The following SLC6A18 variants were observed in gnomAD, a reference collection of about 807,000 sequenced individuals.
The protein encoded by SLC6A18 is solute carrier family 6 member 18.
A neutral mutation model predicts 62.9 loss-of-function variants in SLC6A18; 58 were observed. The observed-to-expected ratio is 0.92, with a 90% confidence interval of 0.75 to 1.15. SLC6A18 has a LOEUF of 1.15. SLC6A18 is among the 50% of genes most tolerant of loss of function. The probability of loss-of-function intolerance (pLI) is 0.00; values close to 1 mark genes in which losing one functional copy is unlikely to be tolerated. For missense variants in SLC6A18, 793 were observed against 836.6 expected (o/e 0.95, Z 0.64); for synonymous variants, 382 against 365.8 (o/e 1.04, Z -0.51).
chr5:1,240,650 G>A lies in SLC6A18; in HGVS notation c.965G>A (p.Cys322Tyr), dbSNP rs1324016532. 2.5e-6 allele frequency: 4 copies of A among 1,613,922 alleles called. No individual in the cohort carries two copies. In the South Asian group the frequency reaches 3.3e-5, roughly 13 times the overall value. ...AAAGCAACTAATGACTACGAGCACT[G>A]CCTGGACAGGTGAGCACAGGTGCCG... The part of the protein sequence containing the change: ...GFKATNDYEH[C>Y]LDRNILSLIN... The change falls in exon 7 of 12, where the codon TGC becomes TAC. Residue 322 changes from cysteine to tyrosine, a missense_variant. Physicochemically the swap from Cys to Tyr is radical, Grantham distance 194. Coordinates refer to ENST00000324642, the MANE Select transcript of SLC6A18 (RefSeq NM_182632.3).
chr5:1,244,985 A>C (rs375352249), intron 11 of SLC6A18, among the ~76,000 whole-genome samples: 55 of 152,070 alleles, frequency 3.6e-4, no homozygotes, highest in African/African-American at 1.2e-3. Context: ...CAGAAATGGC[A>C]TGGGGGTGAC....
chr5:1,226,984 CCGA>C (rs1746592502), intron 1 of SLC6A18, among the ~76,000 whole-genome samples: 2 of 150,100 alleles, frequency 1.3e-5, no homozygotes, highest in Non-Finnish European at 3.0e-5. Flanking sequence ...GCCTTGCCCA[CCGA>C]TGCCTTGCCC....
At chr5:1,240,044 G>A (rs1747013127) in intron 6 of SLC6A18, among the ~76,000 whole-genome samples, 2 of 152,354 alleles carry the variant, frequency 1.3e-5, no homozygotes, top group Admixed American at 6.5e-5. Flanking sequence ...CAGTTTGCAT[G>A]AGATGGGAGA....
chr5:1,239,472 G>T lies in SLC6A18; in HGVS notation c.755G>T (p.Arg252Leu), dbSNP rs771438518. Residue 252 changes from arginine to leucine, a missense_variant, in exon 6 of 12, where the codon CGG becomes CTG. Physicochemically the swap from Arg to Leu is moderately radical, Grantham distance 102. Transcript: ENST00000324642. The part of the protein sequence containing the change: ...TPNMHILQNP[R>L]VWLDAATQIF... ...CAGATGCACATTCTCCAGAACCCCC[G>T]GGTGTGGCTGGACGCAGCCACCCAG... The T allele has an allele frequency of 6.2e-7, 1 of 1,613,930 alleles. No homozygotes were observed. Among genetic ancestry groups the T allele is most frequent in the African/African-American group, 1.3e-5 (1 of 74,936 alleles).
chr5:1,237,240 CAA>C (rs61528804), intron 4 of SLC6A18, among the ~76,000 whole-genome samples: 1,981 of 76,424 alleles, frequency 0.026, 20 homozygotes, highest in Middle Eastern at 0.056. Context: ...GACTCTGTCT[CAA>C]AAAAAAAAAA....
rs565135186 is a variant in SLC6A18, at chr5:1,236,650, C to T, written c.621+988C>T. The stretch of plus-strand genomic sequence containing the variant: ...ACATGTGTGGATTCTTTTCAAATGA[C>T]GGTGCTCAGTCCATGCACCCTGGAC... On this transcript the variant is annotated intron_variant, in intron 4 of 11. Transcript: ENST00000324642. Among the ~76,000 whole-genome samples, 9 of 152,280 alleles carry T rather than the reference C, an allele frequency of 5.9e-5. No individual in the cohort carries two copies. The South Asian group carries it at 1.2e-3, about 21-fold the overall frequency.
At chr5:1,232,993 CGGGG>C in intron 3 of SLC6A18, 105 bp downstream of exon 3, 1 of 1,478,864 alleles carries the variant, frequency 6.8e-7, no homozygotes, top group Non-Finnish European at 9.0e-7. Flanking sequence ...ATGCTCACCG[CGGGG>C]GGAGGGCCGG....
intron 3 of SLC6A18, among the ~76,000 whole-genome samples, chr5:1,233,117 G>A (rs1026275881): frequency 6.6e-5 from 10 of 152,208 alleles, no homozygotes; most frequent in East Asian, 1.9e-4. Context: ...TGCCAGGTCC[G>A]GACCACCGAG....
Position 1,244,388 on chromosome 5 carries a change from C to G in SLC6A18, c.1496+15C>G, listed in dbSNP as rs779303869. ...GGAATGAAACGGTGAGCTGCCGCCC[C>G]GCCGAGTGCTCCTCTGGGACCCACC... On this transcript the variant is annotated intron_variant, in intron 10 of 11. Coordinates refer to ENST00000324642, the MANE Select transcript of SLC6A18 (RefSeq NM_182632.3). 1 of 1,613,532 alleles carries G rather than the reference C, an allele frequency of 6.2e-7. No individual in the cohort carries two copies. Among genetic ancestry groups the G allele is most frequent in the Non-Finnish European group, 8.5e-7 (1 of 1,179,604 alleles).
chr5:1,232,462 G>A (rs887341379), intron 2 of SLC6A18, 103 bp downstream of exon 2: 29 of 1,438,234 alleles, frequency 2.0e-5, no homozygotes, highest in Admixed American at 1.3e-4. Flanking sequence ...GTACGGAAGC[G>A]GCCAGGCCAG....
In SLC6A18 at chr5:1,235,620, C is replaced by A; in HGVS notation, c.579C>A (p.Val193=). 6.2e-7 allele frequency: 1 copy of A among 1,613,934 alleles called. No individual in the cohort carries two copies. The highest frequency in any genetic ancestry group is 8.5e-7 in the Non-Finnish European group (1 of 1,180,010). ...TCTGCTTGGCAGCCTCCTGGGCAGT[C>A]GTGTACATGTGTGTCATCAGGGGCA... ...LLICLAASWA[V]VYMCVIRGIE... The change falls in exon 4 of 12, where the codon GTC becomes GTA. Residue 193 remains valine (V), a synonymous_variant. Transcript: ENST00000324642.
chr5:1,244,642 C>A lies in SLC6A18; in HGVS notation c.1531C>A (p.Arg511=). The A allele has an allele frequency of 2.5e-6, 4 of 1,607,008 alleles. No homozygotes were observed. The highest frequency in any genetic ancestry group is 3.4e-6 in the Non-Finnish European group (4 of 1,175,054). ...TGACATTGCGTGGATGACCGGGAGG[C>A]GGCCCAGCCCCTACTGGCGGCTGAC... The part of the protein sequence containing the change: ...CDDIAWMTGR[R]PSPYWRLTWR... The change falls in exon 11 of 12, where the codon CGG becomes AGG. Residue 511 remains arginine, a synonymous_variant. Transcript: ENST00000324642.
intron 5 of SLC6A18, among the ~76,000 whole-genome samples, chr5:1,238,828 C>A (rs1746970106): frequency 6.6e-6 from 1 of 152,200 alleles, no homozygotes; most frequent in Non-Finnish European, 1.5e-5. Flanking sequence ...CCACCAAGGG[C>A]CTTGTCCAGC....
At chr5:1,238,156 C>T (rs1746934342) in intron 5 of SLC6A18, 96 bp downstream of exon 5, 3 of 967,476 alleles carry the variant, frequency 3.1e-6, no homozygotes, top group African/African-American at 3.2e-5. Flanking sequence ...CGTGAGAGGC[C>T]AGGAGCCACT....
At chr5:1,239,671 T>G (rs1747002568) in intron 6 of SLC6A18, 109 bp downstream of exon 6, 3 of 849,460 alleles carry the variant, frequency 3.5e-6, no homozygotes, top group Non-Finnish European at 5.7e-6. Flanking sequence ...TGTGTGAACC[T>G]GAGATAAGAA....
At position 1,243,628 on chromosome 5, in the gene SLC6A18, G is replaced by A; in HGVS notation, c.1205G>A (p.Trp402Ter). The A allele has an allele frequency of 6.2e-7, 1 of 1,614,062 alleles. No homozygotes were observed. Among genetic ancestry groups the A allele is most frequent in the Non-Finnish European group, 8.5e-7 (1 of 1,180,004 alleles). ...CTCCACATGCCGGGGGCTCCTGTGTGGGCCATGCTCTTCTTCGGGATGCTG... is the reference window on the plus strand; with the variant it reads ...CTCCACATGCCGGGGGCTCCTGTGTAGGCCATGCTCTTCTTCGGGATGCTG... ...TDLHMPGAPV[W>*]AMLFFGMLFT... Residue 402 changes from tryptophan to a stop codon, truncating the protein, a stop_gained, in exon 9 of 12, where the codon TGG becomes TAG. Transcript: ENST00000324642. LOFTEE classifies it high-confidence loss of function. This position sits in a 1 kb window ranked among gnomAD's most constrained non-coding sequence, Gnocchi z 6.5.
chr5:1,232,915 G>C (rs371591243), intron 3 of SLC6A18, 27 bp downstream of exon 3: 1 of 1,597,338 alleles, frequency 6.3e-7, no homozygotes, highest in African/African-American at 1.3e-5. Flanking sequence ...CTGCTGTGTG[G>C]GTCCGTGCAC....
At chr5:1,233,040 C>T in intron 3 of SLC6A18, 152 bp downstream of exon 3, 1 of 1,121,788 alleles carries the variant, frequency 8.9e-7, no homozygotes. Context: ...CATGCACGCG[C>T]CTCGGTCTCC....
At chr5:1,225,723 C>T (rs968936840) in intron 1 of SLC6A18, 86 bp downstream of exon 1, 1 of 1,445,198 alleles carries the variant, frequency 6.9e-7, no homozygotes. Flanking sequence ...GCCACGCATC[C>T]CCAGTGCTTG....
Sources: allele counts gnomAD v4.1 joint callset (sites outside exome capture counted in the v4.1 genomes callset), GRCh38; gene constraint gnomAD v4.1.1; non-coding constraint Gnocchi (gnomAD v3.1); transcripts MANE v1.5; gene names NCBI Gene and HGNC (gene_info 2026-07-23, HGNC 2026-07-21).